RAB19: variants seen among roughly 807,000 people sequenced by gnomAD.
RAB19 encodes the protein RAB19, member RAS oncogene family.
Under a neutral mutation model 17.3 loss-of-function variants are expected in RAB19, and 21 were observed. That is an observed-to-expected ratio of 1.21 (90% CI 0.86 to 1.74). The LOEUF (loss-of-function observed/expected upper bound fraction) is 1.74. Ranked by LOEUF, RAB19 falls within the 40% of genes most tolerant of loss-of-function variation. The pLI is 0.00. For missense variants in RAB19, 277 were observed against 286.8 expected (o/e 0.97, Z 0.25); for synonymous variants, 126 against 110.4 (o/e 1.14, Z -0.88).
chr7:140,422,388 C>T (rs60339081), intron 3 of RAB19, among the ~76,000 whole-genome samples: 3,078 of 145,764 alleles, frequency 0.021, 92 homozygotes, highest in African/African-American at 0.073. Context: ...GACGCTGTCT[C>T]AAAAAAAAAA....
chr7:140,421,107 G>C (rs1474903306), intron 3 of RAB19, among the ~76,000 whole-genome samples: 2 of 151,992 alleles, frequency 1.3e-5, no homozygotes, highest in African/African-American at 4.8e-5. Context: ...TGGTCAGGCT[G>C]GTCTTGAACC....
intron 2 of RAB19, among the ~76,000 whole-genome samples, chr7:140,410,173 C>G (rs1380811186): frequency 2.0e-5 from 3 of 151,344 alleles, no homozygotes; most frequent in Non-Finnish European, 4.4e-5. Context: ...ACTTTGTTGC[C>G]CAGATGGAGG....
chr7:140,416,727 G>A (rs1011305955), intron 3 of RAB19, among the ~76,000 whole-genome samples: 3 of 152,140 alleles, frequency 2.0e-5, no homozygotes, highest in Non-Finnish European at 4.4e-5. Flanking sequence ...GTTGGCGGGT[G>A]GACCCGTGGA....
chr7:140,422,163 G>A (rs983719481), intron 3 of RAB19, among the ~76,000 whole-genome samples: 1 of 152,258 alleles, frequency 6.6e-6, no homozygotes, highest in East Asian at 1.9e-4. Context: ...GAGGTGGGCT[G>A]ATCACCTAAA....
intron 1 of RAB19, among the ~76,000 whole-genome samples, chr7:140,404,635 T>C: frequency 6.6e-6 from 1 of 152,128 alleles, no homozygotes; most frequent in East Asian, 1.9e-4. Flanking sequence ...CAGAGTGTCC[T>C]TGTCTATGAC....
chr7:140,425,404 T>C (rs187066955), intron 3 of RAB19, among the ~76,000 whole-genome samples: 1 of 152,196 alleles, frequency 6.6e-6, no homozygotes, highest in Admixed American at 6.5e-5. Context: ...AACACTCTGC[T>C]GTTTGAGGGG....
Position 140,426,023 on chromosome 7 carries a change from C to A in RAB19, c.527C>A (p.Ala176Asp). 6.2e-7 allele frequency: 1 copy of A among 1,614,150 alleles called. No homozygotes were observed. The highest frequency in any genetic ancestry group is 1.1e-5 in the South Asian group (1 of 91,088). Residue 176 changes from alanine to aspartate, a missense_variant, in exon 4 of 4, where the codon GCC (alanine) becomes GAC (aspartate). Physicochemically the swap from Ala to Asp is moderately radical, Grantham distance 126. Coordinates refer to ENST00000537763, the MANE Select transcript of RAB19 (RefSeq NM_001008749.3). ...ATAGAAGAAGTCTTCGTGCTCATGG[C>A]CAAGGAGCTGATCGCGCGCAACAGC... The part of the protein sequence containing the change: ...KNIEEVFVLM[A>D]KELIARNSLH...
At chr7:140,415,084 T>C (rs997351891) in intron 3 of RAB19, among the ~76,000 whole-genome samples, 1 of 151,530 alleles carries the variant, frequency 6.6e-6, no homozygotes, top group African/African-American at 2.4e-5. Context: ...TTCTTTTCTT[T>C]TTTTTTTTGA....
intron 2 of RAB19, among the ~76,000 whole-genome samples, chr7:140,409,992 C>CAAAAAA: frequency 1.1e-5 from 1 of 94,158 alleles, no homozygotes; most frequent in Non-Finnish European, 2.1e-5. Flanking sequence ...GACTCCGTCT[C>CAAAAAA]AAAAAAAAAA....
At chr7:140,405,186 G>C (rs958927929) in intron 1 of RAB19, among the ~76,000 whole-genome samples, 2 of 149,710 alleles carry the variant, frequency 1.3e-5, no homozygotes, top group African/African-American at 4.9e-5. Flanking sequence ...GGAGGGAAGA[G>C]AGACAGAGGT....
chr7:140,410,313 CTTTTTTTTTTT>C lies in RAB19; in HGVS notation c.202-1547_202-1537del, dbSNP rs762151021. Among the ~76,000 whole-genome samples, 9 of 81,034 alleles carry C rather than the reference CTTTTTTTTTTT, an allele frequency of 1.1e-4. No homozygotes were observed. In the East Asian group the frequency reaches 1.7e-3, roughly 16 times the overall value. 53.2% of individuals were successfully genotyped at this position (81,034 alleles called of 152,430 possible). The stretch of plus-strand genomic sequence containing the variant: ...ATGCCCAGCTAATTTTTGTATTTTT[CTTTTTTTTTTT>C]TTTTTTTTTTTTTGAGACGGAGTCT... On this transcript the variant is annotated intron_variant, in intron 2 of 3. Coordinates refer to ENST00000537763, the MANE Select transcript of RAB19 (RefSeq NM_001008749.3).
At chr7:140,410,983 C>T (rs1396343617) in intron 2 of RAB19, 1 of 1,367,666 alleles carries the variant, frequency 7.3e-7, no homozygotes, top group Non-Finnish European at 9.8e-7. Flanking sequence ...AACAGTTCGG[C>T]CAGTATTATC....
intron 2 of RAB19, 97 bp downstream of exon 2, chr7:140,407,944 A>G (rs1274015640): frequency 4.2e-6 from 4 of 947,916 alleles, no homozygotes; most frequent in African/African-American, 3.7e-5. Context: ...GGCTCACTGC[A>G]AGCTCCGCCT....
intron 3 of RAB19, among the ~76,000 whole-genome samples, chr7:140,414,317 C>T (rs1191810279): frequency 1.3e-5 from 2 of 152,166 alleles, no homozygotes; most frequent in Non-Finnish European, 2.9e-5. Context: ...GCTGGGATTA[C>T]AGGCATGAGC....
intron 3 of RAB19, among the ~76,000 whole-genome samples, chr7:140,418,927 A>G (rs555072808): frequency 6.7e-5 from 10 of 148,764 alleles, no homozygotes; most frequent in Non-Finnish European, 1.3e-4. Context: ...ATTACTCCAC[A>G]CTCCTTCTGC....
intron 3 of RAB19, among the ~76,000 whole-genome samples, chr7:140,419,069 TTG>T (rs1325899433): frequency 1.3e-4 from 12 of 93,844 alleles, no homozygotes; most frequent in East Asian, 7.4e-4. Context: ...GTTTTGTGGT[TTG>T]TTTTTTTTTT....
In RAB19 at chr7:140,426,477, A is replaced by G. The variant is rs1799674141; in HGVS notation, c.*327A>G. On this transcript the variant is annotated 3_prime_UTR_variant, in exon 4 of 4. Transcript: ENST00000537763. ...CTCCCTAGAGCTTCTGCTGCTTTCT[A>G]CTGAATTTTGTTTCTTGCTTGAAGA... 6.6e-6 allele frequency among the ~76,000 whole-genome samples: 1 copy of G among 152,012 alleles called. No individual in the cohort carries two copies. Among genetic ancestry groups the G allele is most frequent in the South Asian group, 2.1e-4 (1 of 4,822 alleles).
chr7:140,424,354 G>A (rs745711496), intron 3 of RAB19, among the ~76,000 whole-genome samples: 9 of 144,348 alleles, frequency 6.2e-5, no homozygotes, highest in Middle Eastern at 3.9e-3. Context: ...ATGGGGTTTC[G>A]CCATGTTGGC....
intron 2 of RAB19, among the ~76,000 whole-genome samples, chr7:140,409,142 T>C (rs1039751033): frequency 6.6e-6 from 1 of 151,936 alleles, no homozygotes; most frequent in Non-Finnish European, 1.5e-5. Context: ...GGCGGGTGGA[T>C]GACTTGAGGT....
Sources: allele counts gnomAD v4.1 joint callset (sites outside exome capture counted in the v4.1 genomes callset), GRCh38; gene constraint gnomAD v4.1.1; transcripts MANE v1.5; gene names NCBI Gene and HGNC (gene_info 2026-07-23, HGNC 2026-07-21).